OR1A1: variants seen among roughly 807,000 people sequenced by gnomAD.
OR1A1 encodes olfactory receptor 1A1.
For missense variants in OR1A1, 391 were observed against 379.9 expected (o/e 1.03, Z -0.24); for synonymous variants, 145 against 147.8 (o/e 0.98, Z 0.13).
rs1177456611 is a variant in OR1A1, at chr17:3,215,786, C to T, written c.166C>T (p.His56Tyr). ...VLAICSDVRL[H>Y]NPMYFLLANL... ...AGCCATTTGCTCTGATGTTCGCCTT[C>T]ACAACCCCATGTATTTTCTCCTTGC... The change falls in exon 4 of 4, where the codon CAC becomes TAC. Residue 56 changes from histidine (H) to tyrosine (Y), a missense_variant. Transcript: ENST00000641732. 3.1e-6 allele frequency: 5 copies of T among 1,614,136 alleles called. No individual in the cohort carries two copies. Among genetic ancestry groups the T allele is most frequent in the Non-Finnish European group, 4.2e-6 (5 of 1,180,028 alleles).
intron 1 of OR1A1, among the ~76,000 whole-genome samples, 184 bp downstream of exon 1, chr17:3,208,184 G>T (rs1037971001): frequency 3.4e-5 from 3 of 87,234 alleles, no homozygotes; most frequent in Non-Finnish European, 2.9e-5. Context: ...TATATATAGA[G>T]AGAGAGAGAG....
At chr17:3,208,180 T>G (rs62090922) in intron 1 of OR1A1, among the ~76,000 whole-genome samples, 180 bp downstream of exon 1, 10,622 of 148,298 alleles carry the variant, frequency 0.072, 472 homozygotes, top group Admixed American at 0.12. Context: ...GATATATATA[T>G]AGAGAGAGAG....
intron 2 of OR1A1, among the ~76,000 whole-genome samples, chr17:3,211,403 C>T (rs1259363269): frequency 2.0e-5 from 3 of 151,872 alleles, no homozygotes; most frequent in African/African-American, 4.8e-5. Context: ...GGTACAATCT[C>T]GGCTCACTGC....
At position 3,216,242 on chromosome 17, in the gene OR1A1, G is replaced by A. The variant is rs560068484; in HGVS notation, c.622G>A (p.Val208Met). Reference sequence around the variant, plus strand: ...GTACCTAGGGGTTGGCATTTTCTCTGTGCCATTACTATGCATCATTGTCTC... The same window carrying A: ...GTACCTAGGGGTTGGCATTTTCTCTATGCCATTACTATGCATCATTGTCTC... The part of the protein sequence containing the change: ...MMYLGVGIFS[V>M]PLLCIIVSYI... Residue 208 changes from valine (V) to methionine (M), a missense_variant, in exon 4 of 4, where the codon GTG (valine) becomes ATG (methionine). By Grantham distance (21) the Val-to-Met change is conservative. Transcript: ENST00000641732. 3.1e-5 allele frequency: 50 copies of A among 1,614,132 alleles called. 2 individuals carry two copies. The South Asian group carries it at 5.2e-4, about 17-fold the overall frequency.
At position 3,218,318 on chromosome 17, in the gene OR1A1, G is replaced by A. The variant is rs1398301568; in HGVS notation, c.*1768G>A. 1.3e-5 allele frequency: 2 copies of A among 152,210 alleles called. No homozygotes were observed. Among genetic ancestry groups the A allele is most frequent in the Non-Finnish European group, 2.9e-5 (2 of 68,048 alleles). The allele number at this position is 152,210 out of a possible 1,614,324, so 9.4% of individuals were successfully genotyped here. A position where few individuals can be genotyped will look rare whatever the true frequency, so the allele number is the denominator to read the frequency against. The stretch of plus-strand genomic sequence containing the variant: ...AAATAGGAAGGTTTTTACACTGTTG[G>A]TGGGAGTGTAAATTAGTTCAACTAT... On this transcript the variant is annotated 3_prime_UTR_variant, in exon 4 of 4. Transcript: ENST00000641732.
chr17:3,214,000 T>C (rs2048454833), intron 3 of OR1A1: 3 of 152,050 alleles, frequency 2.0e-5, no homozygotes, highest in African/African-American at 4.8e-5. Context: ...GAGAAAACAA[T>C]GATGGAGCTG....
intron 2 of OR1A1, among the ~76,000 whole-genome samples, chr17:3,210,667 G>A (rs534390026): frequency 2.6e-5 from 4 of 151,924 alleles, no homozygotes; most frequent in East Asian, 1.9e-4. Flanking sequence ...GTGCAGTGGC[G>A]CAATCTCGAC....
chr17:3,210,626 G>A (rs763292999), intron 2 of OR1A1, among the ~76,000 whole-genome samples: 14 of 151,956 alleles, frequency 9.2e-5, no homozygotes, highest in Non-Finnish European at 1.9e-4. Context: ...GTTTTTTTGA[G>A]ATGAAGTCTT....
Position 3,216,399 on chromosome 17 carries a change from G to A in OR1A1, c.779G>A (p.Arg260His), listed in dbSNP as rs201473407. 121 of 1,614,092 alleles carry A rather than the reference G, an allele frequency of 7.5e-5. No homozygotes were observed. The Middle Eastern group carries it at 1.8e-3, about 24-fold the overall frequency. ...YYGTVMGTYFRPLTNYSLKDA... is the reference protein window; with the variant it reads ...YYGTVMGTYFHPLTNYSLKDA... ...GGTACAGTCATGGGCACGTATTTCC[G>A]CCCTTTGACCAATTATAGCCTAAAA... The change falls in exon 4 of 4, where the codon CGC (arginine) becomes CAC (histidine). Residue 260 changes from arginine to histidine, a missense_variant. Coordinates refer to ENST00000641732, the MANE Select transcript of OR1A1 (RefSeq NM_014565.3).
In OR1A1 at chr17:3,216,753, G is replaced by T. The variant is rs2048472646; in HGVS notation, c.*203G>T. The T allele has an allele frequency of 1.9e-6, 1 of 522,482 alleles. No individual in the cohort carries two copies. Among genetic ancestry groups the T allele is most frequent in the African/African-American group, 1.9e-5 (1 of 52,690 alleles). 32.4% of individuals were successfully genotyped at this position (522,482 alleles called of 1,614,324 possible). ...CTTTCAACTCATTGCTGCTCTTTTT[G>T]GCAGAGTGGCAGCACAGGGATATAG... is the stretch of plus-strand genomic sequence containing the variant. On this transcript the variant is annotated 3_prime_UTR_variant, in exon 4 of 4. Transcript: ENST00000641732.
rs994929821 is a variant in OR1A1, at chr17:3,215,675, G to C, written c.55G>C (p.Gly19Arg). 6.2e-7 allele frequency: 1 copy of C among 1,614,004 alleles called. No homozygotes were observed. The highest frequency in any genetic ancestry group is 8.5e-7 in the Non-Finnish European group (1 of 1,179,976). ...TLEFILLGVT[G>R]QQEQEDFFYI... ...GGAATTCATCCTCCTGGGAGTTACT[G>C]GTCAGCAGGAACAGGAAGATTTCTT... Residue 19 changes from glycine (G) to arginine (R), a missense_variant, in exon 4 of 4, where the codon GGT becomes CGT. By Grantham distance (125) the Gly-to-Arg change is moderately radical (BLOSUM62 -2). Transcript: ENST00000641732.
chr17:3,211,377 C>G (rs2048440889), intron 2 of OR1A1, among the ~76,000 whole-genome samples: 1 of 151,686 alleles, frequency 6.6e-6, no homozygotes, highest in Non-Finnish European at 1.5e-5. Flanking sequence ...CTCCTTCCCC[C>G]AGGCTGGAGT....
intron 2 of OR1A1, among the ~76,000 whole-genome samples, chr17:3,211,894 A>G (rs1276940674): frequency 6.6e-6 from 1 of 152,214 alleles, no homozygotes; most frequent in Admixed American, 6.5e-5. Flanking sequence ...ATTTTAAAAA[A>G]TAAATCTTTA....
rs1029042752 is a variant in OR1A1, at chr17:3,215,684, G to A, written c.64G>A (p.Glu22Lys). 3 of 1,614,066 alleles carry A rather than the reference G, an allele frequency of 1.9e-6. No individual in the cohort carries two copies. The highest frequency in any genetic ancestry group is 1.3e-5 in the African/African-American group (1 of 75,020). Residue 22 changes from glutamate to lysine, a missense_variant, in exon 4 of 4, where the codon GAA (glutamate) becomes AAA (lysine). Physicochemically the swap from Glu to Lys is moderately conservative, Grantham distance 56. Transcript: ENST00000641732. ...CCTCCTGGGAGTTACTGGTCAGCAG[G>A]AACAGGAAGATTTCTTCTACATCCT... ...FILLGVTGQQ[E>K]QEDFFYILFL...
rs1362336381 is a variant in OR1A1 at position 3,218,216 on chromosome 17, G to A, written c.*1666G>A. On this transcript the variant is annotated 3_prime_UTR_variant, in exon 4 of 4. Transcript: ENST00000641732. ...GAGAAATGCAAATCAAAACCACAAT[G>A]AGACACCATCTCATGCCAGTTGGAA... The A allele has an allele frequency of 6.6e-6, 1 of 152,200 alleles. No individual in the cohort carries two copies. Among genetic ancestry groups the A allele is most frequent in the Non-Finnish European group, 1.5e-5 (1 of 68,044 alleles). 9.4% of individuals were successfully genotyped at this position (152,200 alleles called of 1,614,324 possible). A position where few individuals can be genotyped will look rare whatever the true frequency, so the allele number is the denominator to read the frequency against.
rs1160250667 is a variant in OR1A1 at position 3,207,676 on chromosome 17, C to T, written c.-881C>T. On this transcript the variant is annotated 5_prime_UTR_variant, in exon 1 of 4. Coordinates refer to ENST00000641732, the MANE Select transcript of OR1A1 (RefSeq NM_014565.3). The stretch of plus-strand genomic sequence containing the variant: ...TCTTTCGGGGTAGCTCCTCTTGTCC[C>T]TTCGGCTCCCCTGTTGGGAAACTGG... 6 of 152,424 alleles carry T rather than the reference C, an allele frequency of 3.9e-5. No homozygotes were observed. Among genetic ancestry groups the T allele is most frequent in the African/African-American group, 9.7e-5 (4 of 41,448 alleles). 9.4% of individuals were successfully genotyped at this position (152,424 alleles called of 1,614,324 possible).
chr17:3,208,721 A>C lies in OR1A1; in HGVS notation c.-416A>C, dbSNP rs1408137711. On this transcript the variant is annotated 5_prime_UTR_variant, in exon 2 of 4. An upstream start codon of the reference 5' UTR is lost. Transcript: ENST00000641732. ...ACTCAAGGCCCGCTACGTCTCCAGC[A>C]TGCATGTTGAGGCACCTCCTGGCTT... is the stretch of plus-strand genomic sequence containing the variant. 6.6e-6 allele frequency: 1 copy of C among 152,084 alleles called. No individual in the cohort carries two copies. Among genetic ancestry groups the C allele is most frequent in the African/African-American group, 2.4e-5 (1 of 41,380 alleles). The allele number at this position is 152,084 out of a possible 1,614,324, so 9.4% of individuals were successfully genotyped here. A position where few individuals can be genotyped will look rare whatever the true frequency, so the allele number is the denominator to read the frequency against.
At chr17:3,211,840 T>C (rs918641812) in intron 2 of OR1A1, among the ~76,000 whole-genome samples, 1 of 152,248 alleles carries the variant, frequency 6.6e-6, no homozygotes, top group Non-Finnish European at 1.5e-5. Context: ...ATTTTGGATC[T>C]CTTATTAGAA....
At position 3,216,806 on chromosome 17, in the gene OR1A1, G is replaced by A; in HGVS notation, c.*256G>A. ...CATATGTCCTGATGAGCAGAGTCAA[G>A]TTGGGAAGATCTGAGCCTCAGCTTT... On this transcript the variant is annotated 3_prime_UTR_variant, in exon 4 of 4. Transcript: ENST00000641732. The A allele has an allele frequency of 2.7e-6, 1 of 371,428 alleles. No individual in the cohort carries two copies. The highest frequency in any genetic ancestry group is 4.9e-6 in the Non-Finnish European group (1 of 206,088). 23.0% of individuals were successfully genotyped at this position (371,428 alleles called of 1,614,324 possible).
Sources: allele counts gnomAD v4.1 joint callset (sites outside exome capture counted in the v4.1 genomes callset), GRCh38; gene constraint gnomAD v4.1.1; transcripts MANE v1.5; gene names NCBI Gene and HGNC (gene_info 2026-07-23, HGNC 2026-07-21).